The following TCF12 variants were observed in gnomAD, a reference collection of about 807,000 sequenced individuals.
The protein encoded by TCF12 is DNA-binding protein HTF4.
Under a neutral mutation model 86.0 loss-of-function variants are expected in TCF12, and 45 were observed. The observed-to-expected ratio is 0.52, with a 90% CI of 0.41 to 0.67. The LOEUF (loss-of-function observed/expected upper bound fraction) is 0.67, where lower values mean the gene tolerates loss of function less well. TCF12 is among the 30% of genes least tolerant of loss of function. The pLI is 0.00. For missense variants in TCF12, 881 were observed against 859.9 expected (o/e 1.02, Z -0.31); for synonymous variants, 330 against 299.6 (o/e 1.10, Z -1.05).
chr15:56,928,572 C>G (rs2060114896), intron 3 of TCF12, among the ~76,000 whole-genome samples: 1 of 152,154 alleles, frequency 6.6e-6, no homozygotes, highest in Non-Finnish European at 1.5e-5. Flanking sequence ...GAGAAGTAAT[C>G]AGGCATACAA....
Position 57,263,109 on chromosome 15 carries a change from T to C in TCF12, c.1583-3T>C. ...TTTTATCTTTCCTTTGCCTCTTTGT[T>C]AGGTGGCTTGCAAAGTCAGTCTGGA... On this transcript the variant is annotated splice_polypyrimidine_tract_variant and splice_region_variant and intron_variant, in intron 17 of 20. Transcript: ENST00000333725. The C allele has an allele frequency of 6.3e-7, 1 of 1,593,840 alleles. No individual in the cohort carries two copies. The highest frequency in any genetic ancestry group is 8.5e-7 in the Non-Finnish European group (1 of 1,175,372).
intron 5 of TCF12, among the ~76,000 whole-genome samples, chr15:57,099,868 G>GT (rs545582921): frequency 0.014 from 2,074 of 144,584 alleles, 37 homozygotes; most frequent in African/African-American, 0.045. Context: ...ATATTTCAGA[G>GT]TTTTTTTTTT....
At chr15:56,979,644 G>A (rs1311494863) in intron 3 of TCF12, among the ~76,000 whole-genome samples, 1 of 152,052 alleles carries the variant, frequency 6.6e-6, no homozygotes, top group African/African-American at 2.4e-5. Context: ...AATCAGAAGG[G>A]GCCAATGAAA....
intron 3 of TCF12, among the ~76,000 whole-genome samples, chr15:56,998,225 G>A (rs1693713772): frequency 6.6e-6 from 1 of 152,172 alleles, no homozygotes; most frequent in South Asian, 2.1e-4. Context: ...GGGAGGCCTA[G>A]GCAGGTGGAT....
chr15:57,094,165 G>A (rs1361997839), intron 5 of TCF12, among the ~76,000 whole-genome samples: 1 of 152,110 alleles, frequency 6.6e-6, no homozygotes, highest in Non-Finnish European at 1.5e-5. Context: ...TGCAATTATA[G>A]GCATGAGCCA....
intron 2 of TCF12, among the ~76,000 whole-genome samples, chr15:56,920,216 G>C (rs1037496268): frequency 3.3e-5 from 5 of 152,090 alleles, no homozygotes; most frequent in African/African-American, 1.2e-4. Flanking sequence ...AAACTTTAAT[G>C]CCAGAGGGGT....
intron 3 of TCF12, among the ~76,000 whole-genome samples, chr15:57,034,848 A>G (rs781203654): frequency 2.0e-5 from 3 of 152,228 alleles, no homozygotes; most frequent in Non-Finnish European, 4.4e-5. Flanking sequence ...CTTTAGCAAA[A>G]CAGTGAGAAA....
intron 3 of TCF12, among the ~76,000 whole-genome samples, chr15:56,924,717 G>A (rs898091646): frequency 1.3e-5 from 2 of 152,294 alleles, no homozygotes; most frequent in African/African-American, 4.8e-5. Flanking sequence ...GAGTCAGCAG[G>A]TGTGTGGGGA....
At chr15:57,284,203 G>GT (rs534832255) in intron 20 of TCF12, among the ~76,000 whole-genome samples, 4 of 152,020 alleles carry the variant, frequency 2.6e-5, no homozygotes, top group Admixed American at 1.3e-4. Flanking sequence ...TGTTGTTGTT[G>GT]TTGTTTGTTT....
chr15:57,104,313 CA>C (rs1272824573), intron 5 of TCF12, among the ~76,000 whole-genome samples: 1 of 151,620 alleles, frequency 6.6e-6, no homozygotes, highest in Admixed American at 6.6e-5. Flanking sequence ...CCACAAAATC[CA>C]AAAATATTAT....
intron 3 of TCF12, among the ~76,000 whole-genome samples, chr15:56,946,017 G>A (rs1412638008): frequency 1.8e-4 from 28 of 152,132 alleles, no homozygotes; most frequent in Admixed American, 1.2e-3. Context: ...CACCCTTTGG[G>A]ACTGTGATAA....
At position 56,984,188 on chromosome 15, in the gene TCF12, T is replaced by TTTATACA. The variant is rs1173578648; in HGVS notation, c.148+63099_148+63105dup. ...TTATGTGTATAAACACGTGAACACA[T>TTTATACA]TTATACATTATACATATATGTGCAT... On this transcript the variant is annotated intron_variant, in intron 3 of 20. Coordinates refer to ENST00000333725, the MANE Select transcript of TCF12 (RefSeq NM_207037.2). 2.0e-5 allele frequency among the ~76,000 whole-genome samples: 3 copies of TTTATACA among 151,844 alleles called. No homozygotes were observed. In the East Asian group the frequency reaches 5.8e-4, roughly 29 times the overall value.
chr15:57,037,700 T>G (rs898772577), intron 3 of TCF12, among the ~76,000 whole-genome samples: 31 of 152,358 alleles, frequency 2.0e-4, no homozygotes, highest in African/African-American at 7.0e-4. Flanking sequence ...AATGGACAAA[T>G]TAACTGAAGG....
At chr15:57,155,964 T>G (rs926568833) in intron 5 of TCF12, among the ~76,000 whole-genome samples, 1 of 152,238 alleles carries the variant, frequency 6.6e-6, no homozygotes, top group Non-Finnish European at 1.5e-5. Flanking sequence ...CTATATTACA[T>G]AGGTAGAGGC....
intron 16 of TCF12, among the ~76,000 whole-genome samples, chr15:57,260,539 A>G (rs16977357): frequency 0.022 from 3,390 of 152,276 alleles, 135 homozygotes; most frequent in African/African-American, 0.073. Context: ...CAGAATTAGT[A>G]TATATTGCCA....
intron 5 of TCF12, among the ~76,000 whole-genome samples, chr15:57,144,335 G>T (rs545596954): frequency 6.6e-6 from 1 of 152,332 alleles, no homozygotes; most frequent in South Asian, 2.1e-4. Flanking sequence ...GACAGAAAGA[G>T]AAATAGATGA....
chr15:56,954,157 A>T (rs1217915261), intron 3 of TCF12, among the ~76,000 whole-genome samples: 1 of 151,910 alleles, frequency 6.6e-6, no homozygotes, highest in African/African-American at 2.4e-5. Context: ...ATTTTTCTTT[A>T]ACTTACGGGT....
At chr15:57,251,213 C>A in intron 13 of TCF12, 137 bp from the exon 14 acceptor site, 1 of 608,600 alleles carries the variant, frequency 1.6e-6, no homozygotes, top group South Asian at 2.4e-5. Flanking sequence ...TTATAAGTAG[C>A]CAATACTATG....
At chr15:57,014,862 T>TTTATTA (rs139828642) in intron 3 of TCF12, among the ~76,000 whole-genome samples, 2,281 of 145,368 alleles carry the variant, frequency 0.016, 66 homozygotes, top group African/African-American at 0.054. Context: ...TCTCTGGACC[T>TTTATTA]TTATTATTAT....
Sources: allele counts gnomAD v4.1 joint callset (sites outside exome capture counted in the v4.1 genomes callset), GRCh38; gene constraint gnomAD v4.1.1; transcripts MANE v1.5; gene names NCBI Gene and HGNC (gene_info 2026-07-23, HGNC 2026-07-21).